TOX: variants seen among roughly 807,000 people sequenced by gnomAD.
TOX encodes the protein thymocyte selection associated high mobility group box, also known as thymocyte selection-associated high mobility group box protein TOX.
TOX carries 11 observed loss-of-function variants against 53.7 expected under a neutral mutation model. The ratio of observed to expected loss-of-function variants is 0.20; its 90% CI spans 0.13 to 0.34. The LOEUF (loss-of-function observed/expected upper bound fraction) is 0.34. Ranked by LOEUF, TOX falls within the 10% of genes least tolerant of loss-of-function variation. The pLI is 1.00. For missense variants in TOX, 570 were observed against 664.6 expected (o/e 0.86, Z 1.56); for synonymous variants, 225 against 245.3 (o/e 0.92, Z 0.77).
At chr8:58,904,617 T>C (rs2129173092) in intron 3 of TOX, among the ~76,000 whole-genome samples, 1 of 152,284 alleles carries the variant, frequency 6.6e-6, no homozygotes, top group African/African-American at 2.4e-5. Flanking sequence ...TAATCACTTT[T>C]ATTTAGTTAG....
Position 58,984,874 on chromosome 8 carries a change from T to C in TOX, c.103-24866A>G, listed in dbSNP as rs1029715858. Among the ~76,000 whole-genome samples the C allele has an allele frequency of 1.4e-4, 21 of 150,336 alleles. No homozygotes were observed. In the South Asian group the frequency reaches 4.2e-3, roughly 30 times the overall value. ...GAACCCTGTGCATTATTGGTGGGCA[T>C]GTAAGATGGTGCAACTGGCTGTAGA... On this transcript the variant is annotated intron_variant, in intron 1 of 8. Coordinates refer to ENST00000361421, the MANE Select transcript of TOX (RefSeq NM_014729.3).
At chr8:58,836,029 C>T (rs1393417896) in intron 5 of TOX, among the ~76,000 whole-genome samples, 2 of 152,154 alleles carry the variant, frequency 1.3e-5, no homozygotes, top group Admixed American at 6.5e-5. Context: ...TTTTGGGATG[C>T]TTTCTTCAGG....
At chr8:58,818,019 A>G (rs1810209934) in intron 6 of TOX, among the ~76,000 whole-genome samples, 1 of 152,174 alleles carries the variant, frequency 6.6e-6, no homozygotes, top group Non-Finnish European at 1.5e-5. Flanking sequence ...ATATAGAGAG[A>G]TGATAGATAA....
At chr8:58,876,899 C>A (rs1217627058) in intron 3 of TOX, among the ~76,000 whole-genome samples, 2 of 152,174 alleles carry the variant, frequency 1.3e-5, no homozygotes, top group Non-Finnish European at 1.5e-5. Context: ...TACTTTCAGA[C>A]ATTCTGAGAA....
At chr8:58,966,086 C>T (rs925004870) in intron 1 of TOX, among the ~76,000 whole-genome samples, 3 of 151,960 alleles carry the variant, frequency 2.0e-5, no homozygotes, top group African/African-American at 7.3e-5. Context: ...GCAAAGCTAA[C>T]CCCCACACTT....
At chr8:59,061,720 C>G (rs1175061825) in intron 1 of TOX, among the ~76,000 whole-genome samples, 3 of 151,614 alleles carry the variant, frequency 2.0e-5, no homozygotes, top group African/African-American at 7.3e-5. Context: ...TTAACACTTT[C>G]CTATATATAT....
intron 5 of TOX, among the ~76,000 whole-genome samples, chr8:58,830,113 G>A (rs1209316483): frequency 1.3e-5 from 2 of 152,182 alleles, no homozygotes; most frequent in African/African-American, 4.8e-5. Flanking sequence ...TTAGTATTTA[G>A]TTGAGTTACA....
At chr8:59,044,376 G>T (rs543284257) in intron 1 of TOX, among the ~76,000 whole-genome samples, 1 of 152,162 alleles carries the variant, frequency 6.6e-6, no homozygotes, top group East Asian at 1.9e-4. Context: ...GACTGTGGTA[G>T]CTTGCTACTA....
At chr8:58,852,808 A>G (rs1378369989) in intron 3 of TOX, among the ~76,000 whole-genome samples, 4 of 152,200 alleles carry the variant, frequency 2.6e-5, no homozygotes, top group African/African-American at 7.2e-5. Flanking sequence ...AAAAAGATAT[A>G]TGGTTAAAGT....
chr8:58,810,937 T>C (rs1231251509), intron 7 of TOX, among the ~76,000 whole-genome samples: 1 of 152,026 alleles, frequency 6.6e-6, no homozygotes, highest in Non-Finnish European at 1.5e-5. Flanking sequence ...ATTAAATGAG[T>C]GACTTCAGTT....
At chr8:59,035,906 T>C (rs1186837116) in intron 1 of TOX, among the ~76,000 whole-genome samples, 1 of 152,212 alleles carries the variant, frequency 6.6e-6, no homozygotes, top group African/African-American at 2.4e-5. Context: ...ATTTAAGCTA[T>C]TGTGACAGCA....
chr8:59,072,219 A>C (rs1363693546), intron 1 of TOX, among the ~76,000 whole-genome samples: 1 of 152,230 alleles, frequency 6.6e-6, no homozygotes, highest in Non-Finnish European at 1.5e-5. Flanking sequence ...AAAAGGAAAT[A>C]AGACTTGCAT....
intron 1 of TOX, among the ~76,000 whole-genome samples, chr8:59,044,894 T>C (rs1390956354): frequency 6.6e-6 from 1 of 152,222 alleles, no homozygotes; most frequent in Non-Finnish European, 1.5e-5. Flanking sequence ...ATATGAATAA[T>C]CGGCTACACA....
chr8:58,915,850 T>C (rs1419943228), intron 3 of TOX, among the ~76,000 whole-genome samples: 1 of 134,576 alleles, frequency 7.4e-6, no homozygotes, highest in Non-Finnish European at 1.6e-5. Context: ...TACAGAGAAG[T>C]GCTTAAAGGA....
chr8:59,005,070 G>A (rs756566832), intron 1 of TOX, among the ~76,000 whole-genome samples: 4 of 149,370 alleles, frequency 2.7e-5, no homozygotes, highest in South Asian at 2.1e-4. Context: ...ACAGACTCTC[G>A]CTCTGTCGCC....
chr8:58,910,535 G>C (rs1458754584), intron 3 of TOX, among the ~76,000 whole-genome samples: 2 of 152,090 alleles, frequency 1.3e-5, no homozygotes, highest in Non-Finnish European at 2.9e-5. Context: ...ATGTCTAGCA[G>C]GTGGCTCATA....
At chr8:58,882,188 A>C (rs1237034489) in intron 3 of TOX, among the ~76,000 whole-genome samples, 1 of 152,228 alleles carries the variant, frequency 6.6e-6, no homozygotes, top group African/African-American at 2.4e-5. Context: ...TGTCACCCTA[A>C]TGGCATTGCC....
intron 1 of TOX, among the ~76,000 whole-genome samples, chr8:59,067,783 G>A (rs914917012): frequency 4.3e-4 from 66 of 151,812 alleles, no homozygotes; most frequent in African/African-American, 1.4e-3. Flanking sequence ...GTTAAAAAAC[G>A]AAGACTCCAT....
At chr8:59,090,895 T>C (rs909531372) in intron 1 of TOX, among the ~76,000 whole-genome samples, 31 of 152,144 alleles carry the variant, frequency 2.0e-4, no homozygotes, top group African/African-American at 2.4e-5. Context: ...TTCCTGCCAG[T>C]TGCAAAGCAC....
Sources: gnomAD v4.1 joint callset for allele counts (sites outside exome capture counted in the v4.1 genomes callset) on GRCh38, gnomAD v4.1.1 for gene constraint, MANE v1.5 for transcripts, NCBI Gene and HGNC (gene_info 2026-07-23, HGNC 2026-07-21) for gene names.